SLC35E1: variants seen among roughly 807,000 people sequenced by gnomAD.
SLC35E1 encodes solute carrier family 35, member E1.
SLC35E1 carries 12 observed loss-of-function variants against 31.0 expected under a neutral mutation model. The ratio of observed to expected loss-of-function variants is 0.39; its 90% CI spans 0.25 to 0.63. The LOEUF is 0.63. Among genes scored for constraint, SLC35E1 ranks in the 20% least tolerant of loss-of-function variants. The probability of loss-of-function intolerance (pLI) is 0.52; values close to 1 mark genes in which losing one functional copy is unlikely to be tolerated. For synonymous variants in SLC35E1, 257 were observed against 264.1 expected (o/e 0.97, Z 0.26); for missense variants, 429 against 572.2 (o/e 0.75, Z 2.55).
rs2085856779 is a variant in SLC35E1 at position 16,553,561 on chromosome 19, G to C, written c.*118C>G. 1.5e-5 allele frequency: 14 copies of C among 946,094 alleles called. No homozygotes were observed. The highest frequency in any genetic ancestry group is 2.1e-5 in the Non-Finnish European group (14 of 676,888). The allele number at this position is 946,094 out of a possible 1,614,324, so 58.6% of individuals were successfully genotyped here. A position where few individuals can be genotyped will look rare whatever the true frequency, so the allele number is the denominator to read the frequency against. On this transcript the variant is annotated 3_prime_UTR_variant, in exon 6 of 6. Transcript: ENST00000595753. ...GCCAGGAACCCCAGGGCTTCTGATG[G>C]AGAGTTATGCACCGTCCCCTCGGCT...
intron 4 of SLC35E1, chr19:16,557,172 T>A: frequency 5.9e-6 from 2 of 338,670 alleles, no homozygotes. Context: ...TGGACTGATT[T>A]GGCAGCACGG....
chr19:16,571,795 C>A (rs911045048), intron 1 of SLC35E1, 149 bp downstream of exon 1: 2 of 925,528 alleles, frequency 2.2e-6, no homozygotes, highest in Admixed American at 2.6e-5. Flanking sequence ...GAACCCCGTG[C>A]GTGTCCCTCC....
intron 4 of SLC35E1, among the ~76,000 whole-genome samples, chr19:16,557,937 C>T (rs1309523922): frequency 6.6e-6 from 1 of 152,208 alleles, no homozygotes; most frequent in Admixed American, 6.5e-5. Context: ...CCTCAGCCTC[C>T]CGCATAGCTG....
chr19:16,553,917 A>G lies in SLC35E1; in HGVS notation c.1003-8T>C. On this transcript the variant is annotated splice_polypyrimidine_tract_variant and splice_region_variant and intron_variant, in intron 5 of 5. Coordinates refer to ENST00000595753, the MANE Select transcript of SLC35E1 (RefSeq NM_024881.5). ...GTTTGCATCGTACTTGGTCTGTGCC[A>G]GAAAGAGAGCAATGAGACAGGACAT... 16 of 1,585,366 alleles carry G rather than the reference A, an allele frequency of 1.0e-5. No homozygotes were observed. Among genetic ancestry groups the G allele is most frequent in the Non-Finnish European group, 1.4e-5 (16 of 1,163,162 alleles).
chr19:16,572,241 C>T lies in SLC35E1; in HGVS notation c.124G>A (p.Ala42Thr), dbSNP rs1372008165. The T allele has an allele frequency of 6.6e-7, 1 of 1,523,146 alleles. No homozygotes were observed. The highest frequency in any genetic ancestry group is 8.8e-7 in the Non-Finnish European group (1 of 1,134,492). The allele number at this position is 1,523,146 out of a possible 1,614,324, so 94.4% of individuals were successfully genotyped here. ...ALCLLWYALS[A>T]GGNVVNKVIL... ...ACCTTGTTGACCACGTTGCCGCCCG[C>T]GCTCAGCGCGTACCACAGCAGGCAC... is the stretch of plus-strand genomic sequence containing the variant. The change falls in exon 1 of 6, where the codon GCG (alanine) becomes ACG (threonine). Residue 42 changes from alanine (A) to threonine (T), a missense_variant. Coordinates refer to ENST00000595753, the MANE Select transcript of SLC35E1 (RefSeq NM_024881.5). This position sits in a 1 kb window ranked among gnomAD's most constrained non-coding sequence, Gnocchi z 4.1.
At chr19:16,565,346 G>A (rs2085926340) in intron 4 of SLC35E1, 1 of 341,348 alleles carries the variant, frequency 2.9e-6, no homozygotes, top group Non-Finnish European at 5.8e-6. Flanking sequence ...AAGTGGCTGG[G>A]ATTACAGGCG....
Position 16,555,128 on chromosome 19 carries a change from C to T in SLC35E1, c.1002+24G>A. On this transcript the variant is annotated intron_variant, in intron 5 of 5. Coordinates refer to ENST00000595753, the MANE Select transcript of SLC35E1 (RefSeq NM_024881.5). This position sits in a 1 kb window ranked among gnomAD's most constrained non-coding sequence, Gnocchi z 4.1. ...GGTGTTGGGGGGCCGGCTTCCTTCC[C>T]TGCCCAGCCTCTCAGACTCTCACCT... 6.2e-7 allele frequency: 1 copy of T among 1,612,968 alleles called. No individual in the cohort carries two copies. The highest frequency in any genetic ancestry group is 8.5e-7 in the Non-Finnish European group (1 of 1,179,268).
Position 16,555,164 on chromosome 19 carries a change from G to A in SLC35E1, c.990C>T (p.Phe330=). The change falls in exon 5 of 6, where the codon TTC becomes TTT. Residue 330 remains phenylalanine (F), a synonymous_variant. Transcript: ENST00000595753. This position sits in a 1 kb window ranked among gnomAD's most constrained non-coding sequence, Gnocchi z 4.1. ...LGMMTAILGV[F]LYNKTKYDAN... ...CTCAGACTCTCACCTTGTTATAGAG[G>A]AAGACCCCCAGGATGGCGGTCATCA... The A allele has an allele frequency of 6.2e-7, 1 of 1,614,146 alleles. No homozygotes were observed. Among genetic ancestry groups the A allele is most frequent in the East Asian group, 2.2e-5 (1 of 44,888 alleles).
At chr19:16,561,958 C>T (rs977119812) in intron 4 of SLC35E1, among the ~76,000 whole-genome samples, 1 of 151,894 alleles carries the variant, frequency 6.6e-6, no homozygotes, top group Non-Finnish European at 1.5e-5. Flanking sequence ...GAGGCCAAGG[C>T]GGGAGGATGG....
chr19:16,555,081 C>A lies in SLC35E1; in HGVS notation c.1002+71G>T. 6.3e-7 allele frequency: 1 copy of A among 1,593,838 alleles called. No homozygotes were observed. Among genetic ancestry groups the A allele is most frequent in the Non-Finnish European group, 8.5e-7 (1 of 1,170,810 alleles). On this transcript the variant is annotated intron_variant, in intron 5 of 5. Coordinates refer to ENST00000595753, the MANE Select transcript of SLC35E1 (RefSeq NM_024881.5). The surrounding 1 kb of genome is among the most constrained non-coding windows in gnomAD (Gnocchi z 4.1). The stretch of plus-strand genomic sequence containing the variant: ...ACCCCAGCCTTGAGCGCCCGGGAGG[C>A]CCTTCCTTTTCTGACTTCCTGGGTG...
intron 4 of SLC35E1, among the ~76,000 whole-genome samples, chr19:16,556,611 C>T (rs1182334318): frequency 2.0e-5 from 3 of 152,238 alleles, no homozygotes; most frequent in Non-Finnish European, 4.4e-5. Flanking sequence ...GACATCGGGA[C>T]CATGGAATCC....
intron 2 of SLC35E1, among the ~76,000 whole-genome samples, chr19:16,569,673 C>T (rs1472223581): frequency 6.6e-6 from 1 of 152,190 alleles, no homozygotes; most frequent in Non-Finnish European, 1.5e-5. Context: ...TGGTAAAACC[C>T]TGTCTGTATT....
At chr19:16,556,637 C>A (rs2085876325) in intron 4 of SLC35E1, among the ~76,000 whole-genome samples, 1 of 152,236 alleles carries the variant, frequency 6.6e-6, no homozygotes, top group Admixed American at 6.5e-5. Flanking sequence ...AGAGCCTAGG[C>A]TGGTCCCAGG....
chr19:16,562,899 G>A (rs2085914206), intron 4 of SLC35E1, among the ~76,000 whole-genome samples: 1 of 152,142 alleles, frequency 6.6e-6, no homozygotes, highest in African/African-American at 2.4e-5. Flanking sequence ...TTTACGTAGA[G>A]ACGGGGTTTC....
rs911466118 is a variant in SLC35E1, at chr19:16,555,836, T to C, written c.757-439A>G. On this transcript the variant is annotated intron_variant, in intron 4 of 5. Coordinates refer to ENST00000595753, the MANE Select transcript of SLC35E1 (RefSeq NM_024881.5). This position sits in a 1 kb window ranked among gnomAD's most constrained non-coding sequence, Gnocchi z 4.1. Reference sequence around the variant, plus strand: ...AATACGAAAGCCACGGGTCTGCACCTATTGCTGCGAGGATGAACAGAATCA... The same window carrying C: ...AATACGAAAGCCACGGGTCTGCACCCATTGCTGCGAGGATGAACAGAATCA... 8.6e-5 allele frequency: 13 copies of C among 151,968 alleles called. No homozygotes were observed. The highest frequency in any genetic ancestry group is 1.4e-4 in the Non-Finnish European group (11 of 79,378). 9.4% of individuals were successfully genotyped at this position (151,968 alleles called of 1,614,324 possible).
rs1273096877 is a variant in SLC35E1 at position 16,572,260 on chromosome 19, C to T, written c.105G>A (p.Leu35=). 2 of 1,510,730 alleles carry T rather than the reference C, an allele frequency of 1.3e-6. No individual in the cohort carries two copies. The highest frequency in any genetic ancestry group is 2.5e-5 in the South Asian group (2 of 80,558). 93.6% of individuals were successfully genotyped at this position (1,510,730 alleles called of 1,614,324 possible). Residue 35 remains leucine, a synonymous_variant, in exon 1 of 6, where the codon CTG becomes CTA. Transcript: ENST00000595753. The surrounding 1 kb of genome is among the most constrained non-coding windows in gnomAD (Gnocchi z 4.1). ...CGCCCGCGCTCAGCGCGTACCACAG[C>T]AGGCACAGCGCCGCCACCCGCGCGC... ...REGARVAALC[L]LWYALSAGGN...
chr19:16,562,504 A>G (rs2085911912), intron 4 of SLC35E1, among the ~76,000 whole-genome samples: 1 of 152,212 alleles, frequency 6.6e-6, no homozygotes, highest in Non-Finnish European at 1.5e-5. Context: ...TAATCCATGC[A>G]CATCCTCCCA....
At position 16,568,083 on chromosome 19, in the gene SLC35E1, G is replaced by A. The variant is rs770662709; in HGVS notation, c.579C>T (p.Ser193=). Residue 193 remains serine (S), a synonymous_variant, in exon 3 of 6, where the codon AGC becomes AGT. Transcript: ENST00000595753. ...ELSFDMWGLV[S]ALAATLCFSL... ...AGAAGCACAGCGTGGCGGCGAGGGCGCTGACGAGTCCCCACATGTCAAAAG... is the reference window on the plus strand; with the variant it reads ...AGAAGCACAGCGTGGCGGCGAGGGCACTGACGAGTCCCCACATGTCAAAAG... 6.4e-5 allele frequency: 103 copies of A among 1,613,570 alleles called. No individual in the cohort carries two copies. Among genetic ancestry groups the A allele is most frequent in the Admixed American group, 1.8e-4 (11 of 59,962 alleles).
rs1183519735 is a variant in SLC35E1 at position 16,555,118 on chromosome 19, G to C, written c.1002+34C>G. The C allele has an allele frequency of 6.2e-7, 1 of 1,611,914 alleles. No homozygotes were observed. On this transcript the variant is annotated intron_variant, in intron 5 of 5. Transcript: ENST00000595753. This position sits in a 1 kb window ranked among gnomAD's most constrained non-coding sequence, Gnocchi z 4.1. ...TGACTTCCTGGGTGTTGGGGGGCCG[G>C]CTTCCTTCCCTGCCCAGCCTCTCAG... is the stretch of plus-strand genomic sequence containing the variant.
Sources: gnomAD v4.1 joint callset for allele counts (sites outside exome capture counted in the v4.1 genomes callset) on GRCh38, gnomAD v4.1.1 for gene constraint, Gnocchi (gnomAD v3.1) non-coding constraint, MANE v1.5 for transcripts, NCBI Gene and HGNC (gene_info 2026-07-23, HGNC 2026-07-21) for gene names.